The following ERP44 variants were observed in gnomAD, a reference collection of about 807,000 sequenced individuals.
The protein encoded by ERP44 is endoplasmic reticulum protein 44.
ERP44 carries 25 observed loss-of-function variants against 53.4 expected under a neutral mutation model. The ratio of observed to expected loss-of-function variants is 0.47; its 90% CI spans 0.34 to 0.65. The LOEUF (loss-of-function observed/expected upper bound fraction) is 0.65, where lower values mean the gene tolerates loss of function less well. ERP44 is among the 30% of genes least tolerant of loss of function. The probability of loss-of-function intolerance (pLI) is 0.01; values close to 1 mark genes in which losing one functional copy is unlikely to be tolerated. For synonymous variants in ERP44, 145 were observed against 161.2 expected, an observed-to-expected ratio of 0.90 and a Z score of 0.76; for missense variants, 338 against 493.2, an observed-to-expected ratio of 0.69 and a Z score of 2.98.
At position 100,019,962 on chromosome 9, in the gene ERP44, T is replaced by C. The variant is rs1369761734; in HGVS notation, c.587+654A>G. Reference sequence around the variant, plus strand: ...ATCAAGGTAGCCAGGCATAAACTAATCTTTGAAAAAAATAAAAAGAAAAAG... The same window carrying C: ...ATCAAGGTAGCCAGGCATAAACTAACCTTTGAAAAAAATAAAAAGAAAAAG... On this transcript the variant is annotated intron_variant, in intron 6 of 11. Transcript: ENST00000262455. Among the ~76,000 whole-genome samples the C allele has an allele frequency of 2.0e-5, 3 of 152,000 alleles. No homozygotes were observed. In the East Asian group the frequency reaches 5.8e-4, roughly 29 times the overall value.
chr9:100,028,402 CT>C (rs2118666499), intron 4 of ERP44, among the ~76,000 whole-genome samples: 1 of 152,278 alleles, frequency 6.6e-6, no homozygotes, highest in South Asian at 2.1e-4. Context: ...AATTACGCTC[CT>C]GAATTCCCCA....
At chr9:100,031,595 T>C (rs1344899263) in intron 4 of ERP44, among the ~76,000 whole-genome samples, 1 of 152,236 alleles carries the variant, frequency 6.6e-6, no homozygotes, top group Non-Finnish European at 1.5e-5. Context: ...TCTGAGCACC[T>C]TGGAGGTTAC....
At chr9:100,003,009 G>GT (rs1466678606) in intron 10 of ERP44, among the ~76,000 whole-genome samples, 3 of 151,458 alleles carry the variant, frequency 2.0e-5, no homozygotes, top group Admixed American at 2.0e-4. Context: ...TTTTTCTTCT[G>GT]TATGTTTTCA....
intron 11 of ERP44, among the ~76,000 whole-genome samples, chr9:99,984,413 TAAA>T (rs200813688): frequency 1.3e-5 from 2 of 150,790 alleles, no homozygotes; most frequent in Middle Eastern, 3.4e-3. Context: ...AATTCTCAGG[TAAA>T]AAAAAACATA....
chr9:99,991,674 A>C (rs879132236), intron 10 of ERP44, among the ~76,000 whole-genome samples: 14 of 152,118 alleles, frequency 9.2e-5, no homozygotes, highest in Non-Finnish European at 1.9e-4. Context: ...CAGAGCAGAA[A>C]TGGAGGAGAT....
chr9:100,085,353 G>A (rs1315143243), intron 1 of ERP44, among the ~76,000 whole-genome samples: 1 of 152,088 alleles, frequency 6.6e-6, no homozygotes, highest in African/African-American at 2.4e-5. Flanking sequence ...CTGCCAACAG[G>A]TTCTCACCAA....
chr9:100,011,924 T>C (rs1439911519), intron 8 of ERP44, among the ~76,000 whole-genome samples: 1 of 152,192 alleles, frequency 6.6e-6, no homozygotes, highest in Non-Finnish European at 1.5e-5. Flanking sequence ...TGCATTATTC[T>C]TACCGCTGCA....
intron 1 of ERP44, among the ~76,000 whole-genome samples, chr9:100,073,864 A>C (rs1826330639): frequency 6.6e-6 from 1 of 152,190 alleles, no homozygotes; most frequent in African/African-American, 2.4e-5. Flanking sequence ...CAGAAACACA[A>C]ATAAAAGTTT....
At chr9:100,008,349 T>A (rs987498005) in intron 8 of ERP44, among the ~76,000 whole-genome samples, 3 of 152,180 alleles carry the variant, frequency 2.0e-5, no homozygotes, top group African/African-American at 7.2e-5. Flanking sequence ...AAAAGCACCT[T>A]GAAAATTATA....
intron 10 of ERP44, chr9:99,998,575 T>C (rs1176615850): frequency 1.6e-5 from 12 of 734,906 alleles, no homozygotes; most frequent in Non-Finnish European, 2.5e-5. Flanking sequence ...CGTGGTGAGC[T>C]CTGTGCCTCC....
intron 3 of ERP44, among the ~76,000 whole-genome samples, chr9:100,053,861 C>T (rs1264089126): frequency 1.3e-5 from 2 of 152,228 alleles, no homozygotes; most frequent in East Asian, 1.9e-4. Flanking sequence ...CTTCCAGAGC[C>T]CTTTTCCACC....
chr9:100,025,321 A>G lies in ERP44; in HGVS notation c.287-3095T>C, dbSNP rs550092105. On this transcript the variant is annotated intron_variant, in intron 4 of 11. Coordinates refer to ENST00000262455, the MANE Select transcript of ERP44 (RefSeq NM_015051.3). Reference sequence around the variant, plus strand: ...TCACGGGAATCCTGACAAGAAAATTATGAGAAAAAAAAAGTATTTGTTAAT... The same window carrying G: ...TCACGGGAATCCTGACAAGAAAATTGTGAGAAAAAAAAAGTATTTGTTAAT... 2.0e-5 allele frequency among the ~76,000 whole-genome samples: 3 copies of G among 152,342 alleles called. No homozygotes were observed. The South Asian group carries it at 6.2e-4, about 32-fold the overall frequency.
chr9:99,996,993 GTA>G (rs60268138), intron 10 of ERP44, among the ~76,000 whole-genome samples: 1,793 of 143,482 alleles, frequency 0.012, 23 homozygotes, highest in Non-Finnish European at 0.02. Context: ...ATATGTGTGT[GTA>G]TATATATATA....
At chr9:100,052,272 C>T (rs1826046736) in intron 4 of ERP44, 145 bp downstream of exon 4, 3 of 415,750 alleles carry the variant, frequency 7.2e-6, no homozygotes, top group Admixed American at 4.4e-5. Context: ...AGAACCTTTT[C>T]GGTTTGTTCT....
chr9:100,055,064 C>T (rs1052300499), intron 3 of ERP44, among the ~76,000 whole-genome samples: 1 of 152,002 alleles, frequency 6.6e-6, no homozygotes, highest in African/African-American at 2.4e-5. Context: ...GAATTTAAAT[C>T]CCAGTTCCAC....
intron 1 of ERP44, among the ~76,000 whole-genome samples, chr9:100,068,676 A>AC (rs1338523479): frequency 9.3e-6 from 1 of 108,082 alleles, no homozygotes; most frequent in Admixed American, 9.6e-5. Flanking sequence ...GGGGGAGTCA[A>AC]CCCCCCACCC....
intron 10 of ERP44, among the ~76,000 whole-genome samples, chr9:100,002,707 A>G (rs1830390702): frequency 1.3e-5 from 2 of 151,810 alleles, no homozygotes; most frequent in Admixed American, 1.3e-4. Context: ...CTGCTTTCAT[A>G]ATCTTCTCTT....
intron 1 of ERP44, among the ~76,000 whole-genome samples, chr9:100,087,334 G>T (rs944106241): frequency 6.6e-6 from 1 of 152,078 alleles, no homozygotes; most frequent in African/African-American, 2.4e-5. Context: ...TAATTATTAG[G>T]ATAAGAAGAC....
chr9:100,078,562 C>A (rs532689188), intron 1 of ERP44, among the ~76,000 whole-genome samples: 1 of 151,976 alleles, frequency 6.6e-6, no homozygotes, highest in African/African-American at 2.4e-5. Flanking sequence ...CAAGACCAGC[C>A]TGGCCAACAT....
Sources: gnomAD v4.1 joint callset for allele counts (sites outside exome capture counted in the v4.1 genomes callset) on GRCh38, gnomAD v4.1.1 for gene constraint, MANE v1.5 for transcripts, NCBI Gene and HGNC (gene_info 2026-07-23, HGNC 2026-07-21) for gene names.